COL5A3: variants seen among roughly 807,000 people sequenced by gnomAD.
COL5A3 encodes the protein collagen type V alpha 3 chain.
COL5A3 carries 172 observed loss-of-function variants against 250.0 expected under a neutral mutation model. The observed-to-expected ratio is 0.69, with a 90% CI of 0.61 to 0.78. The LOEUF is 0.78. Ranked by LOEUF, COL5A3 falls within the 30% of genes least tolerant of loss-of-function variation. COL5A3 has a pLI of 0.00. For synonymous variants in COL5A3, 937 were observed against 900.4 expected, an observed-to-expected ratio of 1.04 and a Z score of -0.73; for missense variants, 2,340 against 2,334.4, an observed-to-expected ratio of 1.00 and a Z score of -0.05.
chr19:9,988,906 T>C (rs1296636997), intron 27 of COL5A3, among the ~76,000 whole-genome samples: 1 of 138,268 alleles, frequency 7.2e-6, no homozygotes, highest in Non-Finnish European at 1.6e-5. Flanking sequence ...AAGAAAGAAA[T>C]GTGTTTGGCC....
chr19:10,002,220 G>C (rs1167762650), intron 6 of COL5A3, among the ~76,000 whole-genome samples: 1 of 151,882 alleles, frequency 6.6e-6, no homozygotes, highest in Non-Finnish European at 1.5e-5. Context: ...CAGTCAGAGA[G>C]GGAGTGGCGG....
chr19:9,980,081 C>G, intron 35 of COL5A3, 34 bp from the exon 36 acceptor site: 1 of 1,561,798 alleles, frequency 6.4e-7, no homozygotes, highest in Non-Finnish European at 8.7e-7. Flanking sequence ...ATCTCATCCC[C>G]CCTGCCTCCC....
chr19:9,971,059 G>A, intron 52 of COL5A3, 31 bp from the exon 53 acceptor site: 2 of 1,493,884 alleles, frequency 1.3e-6, no homozygotes, highest in East Asian at 5.0e-5. Flanking sequence ...GTTGGGAGGG[G>A]TGATGAGGGT....
intron 19 of COL5A3, 38 bp downstream of exon 19, chr19:9,993,342 A>G: frequency 6.2e-7 from 1 of 1,608,160 alleles, no homozygotes; most frequent in South Asian, 1.1e-5. Context: ...TTCCAAACTT[A>G]CTTTCCAAAC....
chr19:9,969,348 C>T lies in COL5A3; in HGVS notation c.4152+1G>A, dbSNP rs536429057. On this transcript the variant is annotated splice_donor_variant, in intron 57 of 66. Coordinates refer to ENST00000264828, the MANE Select transcript of COL5A3 (RefSeq NM_015719.4). LOFTEE classifies it high-confidence loss of function. ...ACCTCAAGGATGAACAAGTCTCTTA[C>T]CAGGGGGCCAGGAGGGCCCATCTGT... 1.9e-6 allele frequency: 3 copies of T among 1,594,324 alleles called. No homozygotes were observed. Among genetic ancestry groups the T allele is most frequent in the South Asian group, 1.1e-5 (1 of 88,130 alleles).
rs182768899 is a variant in COL5A3, at chr19:9,960,281, G to A, written c.*130C>T. 3.2e-5 allele frequency: 37 copies of A among 1,139,622 alleles called. No individual in the cohort carries two copies. The East Asian group carries it at 3.3e-4, about 10-fold the overall frequency. The allele number at this position is 1,139,622 out of a possible 1,614,324, so 70.6% of individuals were successfully genotyped here. A position where few individuals can be genotyped will look rare whatever the true frequency, so the allele number is the denominator to read the frequency against. ...TGGAAAGGAGAAGGAATGACTGTCCGTGATGAGCGAAGTCACATCCCATTG... is the reference window on the plus strand; with the variant it reads ...TGGAAAGGAGAAGGAATGACTGTCCATGATGAGCGAAGTCACATCCCATTG... On this transcript the variant is annotated 3_prime_UTR_variant, in exon 67 of 67. Coordinates refer to ENST00000264828, the MANE Select transcript of COL5A3 (RefSeq NM_015719.4).
At chr19:9,994,500 TA>T (rs1275963171) in intron 16 of COL5A3, among the ~76,000 whole-genome samples, 3 of 147,674 alleles carry the variant, frequency 2.0e-5, no homozygotes, top group African/African-American at 5.0e-5. Flanking sequence ...TATTTTATTT[TA>T]TTTTTTTGAG....
chr19:9,964,397 C>T (rs986874920), intron 64 of COL5A3, among the ~76,000 whole-genome samples: 2 of 151,088 alleles, frequency 1.3e-5, no homozygotes, highest in Admixed American at 1.3e-4. Context: ...GCCAGGAGTT[C>T]AAGACCAGCC....
At chr19:9,964,854 TAAAAAAAAAAAAAAAAAAAAAAA>T (rs57037583) in intron 64 of COL5A3, among the ~76,000 whole-genome samples, 1,432 of 48,970 alleles carry the variant, frequency 0.029, 31 homozygotes, top group Middle Eastern at 0.077. Flanking sequence ...CCATCTCTAC[TAAAAAAAAAAAAAAAAAAAAAAA>T]AAAAAAAAAA....
chr19:9,969,342 C>A lies in COL5A3; in HGVS notation c.4152+7G>T, dbSNP rs2086795654. 1 of 1,591,648 alleles carries A rather than the reference C, an allele frequency of 6.3e-7. No homozygotes were observed. The highest frequency in any genetic ancestry group is 1.1e-5 in the South Asian group (1 of 87,540). ...GCCAGAACCTCAAGGATGAACAAGT[C>A]TCTTACCAGGGGGCCAGGAGGGCCC... On this transcript the variant is annotated splice_region_variant and intron_variant, in intron 57 of 66. Coordinates refer to ENST00000264828, the MANE Select transcript of COL5A3 (RefSeq NM_015719.4).
At chr19:9,983,586 A>AAGAAAGAAAGAGAAAGAGAGAGAGAG (rs2087046834) in intron 31 of COL5A3, among the ~76,000 whole-genome samples, 1 of 86,330 alleles carries the variant, frequency 1.2e-5, no homozygotes, top group Admixed American at 1.1e-4. Context: ...GAAAGAAAGA[A>AAGAAAGAAAGAGAAAGAGAGAGAGAG]AGAAAGAAAG....
At chr19:9,981,168 G>A (rs2087004195) in intron 32 of COL5A3, 36 bp from the exon 33 acceptor site, 1 of 1,603,778 alleles carries the variant, frequency 6.2e-7, no homozygotes, top group South Asian at 1.1e-5. Context: ...GCAGAAGAGA[G>A]TTAGGGTGCA....
At chr19:9,972,716 G>T (rs2086870351) in intron 51 of COL5A3, among the ~76,000 whole-genome samples, 1 of 152,050 alleles carries the variant, frequency 6.6e-6, no homozygotes, top group Non-Finnish European at 1.5e-5. Flanking sequence ...CGTGCCTGTA[G>T]TCCTGGCTAC....
At chr19:9,990,504 A>G (rs1263183208) in intron 24 of COL5A3, among the ~76,000 whole-genome samples, 1 of 152,164 alleles carries the variant, frequency 6.6e-6, no homozygotes, top group East Asian at 1.9e-4. Context: ...TGCCTGTATC[A>G]AAACATCTCA....
At chr19:9,969,976 G>T in intron 54 of COL5A3, 54 bp from the exon 55 acceptor site, 1 of 1,496,698 alleles carries the variant, frequency 6.7e-7, no homozygotes, top group Non-Finnish European at 9.3e-7. Context: ...GGGTCAGAGG[G>T]GTGAGTGGGG....
chr19:9,980,080 C>G, intron 35 of COL5A3, 33 bp from the exon 36 acceptor site: 1 of 1,573,572 alleles, frequency 6.4e-7, no homozygotes, highest in African/African-American at 1.4e-5. Flanking sequence ...GATCTCATCC[C>G]CCCTGCCTCC....
At chr19:9,965,068 A>T (rs1394569821) in intron 64 of COL5A3, among the ~76,000 whole-genome samples, 1 of 150,518 alleles carries the variant, frequency 6.6e-6, no homozygotes, top group East Asian at 2.0e-4. Context: ...CAAAAACAAA[A>T]CAGTTCACTG....
In COL5A3 at chr19:9,969,692, A is replaced by C. The variant is rs376639399; in HGVS notation, c.3991-10T>G. 1 of 1,588,350 alleles carries C rather than the reference A, an allele frequency of 6.3e-7. No individual in the cohort carries two copies. Among genetic ancestry groups the C allele is most frequent in the Admixed American group, 1.9e-5 (1 of 51,664 alleles). On this transcript the variant is annotated splice_polypyrimidine_tract_variant and intron_variant, in intron 55 of 66. Transcript: ENST00000264828. ...CAGGACCTGGCTCCCCCTGAAATGG[A>C]CACAGGCAAGGGAGGGGCCAGAGTC...
chr19:9,993,376 T>G lies in COL5A3; in HGVS notation c.1749+4A>C. 1 of 1,613,972 alleles carries G rather than the reference T, an allele frequency of 6.2e-7. No homozygotes were observed. The highest frequency in any genetic ancestry group is 1.1e-5 in the South Asian group (1 of 91,068). ...ACCAGGCCCTAACTCTCTTCCAAAC[T>G]TACCCTCTCACCATCCTCTCCTGGG... On this transcript the variant is annotated splice_donor_region_variant and intron_variant, in intron 19 of 66. Coordinates refer to ENST00000264828, the MANE Select transcript of COL5A3 (RefSeq NM_015719.4).
Sources: allele counts gnomAD v4.1 joint callset (sites outside exome capture counted in the v4.1 genomes callset), GRCh38; gene constraint gnomAD v4.1.1; transcripts MANE v1.5; gene names NCBI Gene and HGNC (gene_info 2026-07-23, HGNC 2026-07-21).